Variants in ELP4 observed in about 807,000 individuals in gnomAD.
The protein encoded by ELP4 is elongator complex protein 4.
ELP4 carries 51 observed loss-of-function variants against 48.9 expected under a neutral mutation model. The observed-to-expected ratio is 1.04, with a 90% CI of 0.83 to 1.32. The LOEUF is 1.32. Among genes scored for constraint, ELP4 ranks in the 40% most tolerant of loss-of-function variants. The pLI is 0.00. For missense variants in ELP4, 519 were observed against 514.6 expected (o/e 1.01, Z -0.08); for synonymous variants, 210 against 189.2 (o/e 1.11, Z -0.90).
At chr11:31,771,892 G>C (rs1592297831) in intron 9 of ELP4, among the ~76,000 whole-genome samples, 1 of 152,200 alleles carries the variant, frequency 6.6e-6, no homozygotes, top group East Asian at 2.0e-4. Context: ...TGAGGCGGGA[G>C]AATGGCGTGA....
chr11:31,647,643 C>G, intron 7 of ELP4, 98 bp from the exon 8 acceptor site: 1 of 733,908 alleles, frequency 1.4e-6, no homozygotes, highest in South Asian at 1.7e-5. Context: ...TAGTCTATCT[C>G]CACTACAGTT....
At chr11:31,562,927 T>G (rs868793847) in intron 3 of ELP4, among the ~76,000 whole-genome samples, 1 of 152,158 alleles carries the variant, frequency 6.6e-6, no homozygotes, top group African/African-American at 2.4e-5. Flanking sequence ...GAATATACTA[T>G]TAATACATGG....
At chr11:31,768,734 A>G (rs1804688735) in intron 9 of ELP4, among the ~76,000 whole-genome samples, 1 of 152,236 alleles carries the variant, frequency 6.6e-6, no homozygotes, top group African/African-American at 2.4e-5. Flanking sequence ...GCCTGCTTCA[A>G]AAAACCATTA....
intron 3 of ELP4, among the ~76,000 whole-genome samples, chr11:31,591,429 G>T (rs1274918263): frequency 1.8e-4 from 26 of 142,906 alleles, no homozygotes; most frequent in Middle Eastern, 3.4e-3. Context: ...AAAAGGGGGG[G>T]GGGGGGTATA....
intron 2 of ELP4, among the ~76,000 whole-genome samples, chr11:31,525,361 A>G (rs562454020): frequency 9.8e-5 from 15 of 152,338 alleles, no homozygotes; most frequent in African/African-American, 3.4e-4. Flanking sequence ...AAGCTCTTAC[A>G]ATGTGTTCAG....
chr11:31,553,230 A>G (rs1956879120), intron 3 of ELP4, among the ~76,000 whole-genome samples: 1 of 152,158 alleles, frequency 6.6e-6, no homozygotes, highest in African/African-American at 2.4e-5. Context: ...GTGGATGACA[A>G]ATGAATCCTT....
chr11:31,647,892 TTCTAGGTTACCTGGAAGCA>T, intron 8 of ELP4, 43 bp downstream of exon 8: 2 of 1,195,510 alleles, frequency 1.7e-6, no homozygotes, highest in South Asian at 2.4e-5. Flanking sequence ...AGCAGGCTGC[TTCTAGGTTACCTGGAAGCA>T]TCCTATTCAA....
intron 3 of ELP4, among the ~76,000 whole-genome samples, chr11:31,544,595 G>C (rs1956662331): frequency 6.6e-6 from 1 of 152,210 alleles, no homozygotes; most frequent in African/African-American, 2.4e-5. Context: ...CAAAAAGACA[G>C]CAGTAACCTC....
chr11:31,533,365 A>ATTT (rs1592089795), intron 2 of ELP4, among the ~76,000 whole-genome samples: 2 of 67,740 alleles, frequency 3.0e-5, no homozygotes, highest in African/African-American at 1.5e-4. Context: ...AAGCCATCTC[A>ATTT]TTCTTTTTTT....
chr11:31,738,582 A>G (rs1369276707), intron 9 of ELP4, among the ~76,000 whole-genome samples: 2 of 152,050 alleles, frequency 1.3e-5, no homozygotes, highest in Non-Finnish European at 2.9e-5. Flanking sequence ...CAAAAAATAC[A>G]AAAGTTTGCC....
chr11:31,615,597 C>T (rs1025169178), intron 5 of ELP4, among the ~76,000 whole-genome samples: 1 of 148,324 alleles, frequency 6.7e-6, no homozygotes, highest in African/African-American at 2.5e-5. Flanking sequence ...ACACAATCAG[C>T]TTTTTTTTTT....
At chr11:31,746,104 A>C (rs1947583915) in intron 9 of ELP4, among the ~76,000 whole-genome samples, 2 of 149,630 alleles carry the variant, frequency 1.3e-5, no homozygotes, top group Admixed American at 1.3e-4. Flanking sequence ...TCTCAAAAGA[A>C]GACATTTATG....
intron 7 of ELP4, chr11:31,637,426 A>G (rs928640373): frequency 5.9e-5 from 9 of 151,972 alleles, no homozygotes; most frequent in Admixed American, 4.6e-4. Context: ...CTAAAACACT[A>G]TATTTAAACT....
chr11:31,704,123 T>C (rs1420553546), intron 9 of ELP4, among the ~76,000 whole-genome samples: 2 of 152,136 alleles, frequency 1.3e-5, no homozygotes, highest in Non-Finnish European at 2.9e-5. Flanking sequence ...AGTGCAATTG[T>C]CTTACCACAA....
intron 1 of ELP4, among the ~76,000 whole-genome samples, chr11:31,517,344 C>T (rs1956134164): frequency 6.6e-6 from 1 of 151,954 alleles, no homozygotes; most frequent in Admixed American, 6.6e-5. Flanking sequence ...GCCACCACAT[C>T]TGGCTAACAG....
intron 4 of ELP4, chr11:31,599,482 T>TACACACACACAC (rs1158380515): frequency 6.3e-5 from 6 of 94,834 alleles, no homozygotes; most frequent in African/African-American, 2.2e-4. Context: ...CTCATTTTAA[T>TACACACACACAC]ACACACACAC....
chr11:31,663,922 A>C (rs1427974439), intron 9 of ELP4: 1 of 152,134 alleles, frequency 6.6e-6, no homozygotes, highest in Non-Finnish European at 1.5e-5. Context: ...ATAATTATAT[A>C]AACACCAGTG....
chr11:31,774,121 G>A (rs982434899), intron 9 of ELP4, among the ~76,000 whole-genome samples: 2 of 152,252 alleles, frequency 1.3e-5, no homozygotes, highest in African/African-American at 4.8e-5. Flanking sequence ...GCTGCAGTGA[G>A]CCATGATTGT....
At chr11:31,571,318 C>T (rs917172198) in intron 3 of ELP4, among the ~76,000 whole-genome samples, 1 of 152,100 alleles carries the variant, frequency 6.6e-6, no homozygotes, top group African/African-American at 2.4e-5. Context: ...TTTTCTTGTC[C>T]AGAAGTACCA....
Sources: gnomAD v4.1 joint callset for allele counts (sites outside exome capture counted in the v4.1 genomes callset) on GRCh38, gnomAD v4.1.1 for gene constraint, MANE v1.5 for transcripts, NCBI Gene and HGNC (gene_info 2026-07-23, HGNC 2026-07-21) for gene names.